Variants in SGMS1 observed in about 807,000 individuals in gnomAD.
The protein encoded by SGMS1 is phosphatidylcholine:ceramide cholinephosphotransferase 1.
SGMS1 carries 13 observed loss-of-function variants against 46.2 expected under a neutral mutation model. The ratio of observed to expected loss-of-function variants is 0.28; its 90% CI spans 0.18 to 0.45. SGMS1 has a LOEUF of 0.45. SGMS1 is among the 20% of genes least tolerant of loss of function. The pLI is 1.00. For synonymous variants in SGMS1, 203 were observed against 187.8 expected (o/e 1.08, Z -0.66); for missense variants, 324 against 519.9 (o/e 0.62, Z 3.66).
chr10:50,408,451 A>AT (rs1414445294), intron 6 of SGMS1, among the ~76,000 whole-genome samples: 8 of 148,584 alleles, frequency 5.4e-5, no homozygotes, highest in Non-Finnish European at 8.8e-5. Flanking sequence ...AAAAAAAAAA[A>AT]AAAACAAAAT....
intron 6 of SGMS1, among the ~76,000 whole-genome samples, chr10:50,350,875 C>T (rs2133379443): frequency 6.6e-6 from 1 of 152,280 alleles, no homozygotes; most frequent in Middle Eastern, 3.4e-3. Flanking sequence ...GATGTGGGGT[C>T]AGAGCCCCCA....
intron 6 of SGMS1, among the ~76,000 whole-genome samples, chr10:50,369,421 C>G (rs1564891662): frequency 6.6e-6 from 1 of 152,126 alleles, no homozygotes; most frequent in Non-Finnish European, 1.5e-5. Context: ...TCCCTTGAGC[C>G]TGGGAAGTTG....
chr10:50,451,654 T>C (rs1487646958), intron 5 of SGMS1, among the ~76,000 whole-genome samples: 1 of 152,098 alleles, frequency 6.6e-6, no homozygotes, highest in Non-Finnish European at 1.5e-5. Context: ...TAATATAACA[T>C]GGGATTCTGA....
At chr10:50,310,568 A>T (rs1847238403) in intron 9 of SGMS1, among the ~76,000 whole-genome samples, 1 of 152,028 alleles carries the variant, frequency 6.6e-6, no homozygotes, top group Non-Finnish European at 1.5e-5. Context: ...AGTCCAAAAA[A>T]ATGGATGGAA....
chr10:50,337,502 C>A (rs1847734761), intron 7 of SGMS1, among the ~76,000 whole-genome samples: 1 of 152,130 alleles, frequency 6.6e-6, no homozygotes, highest in Admixed American at 6.5e-5. Context: ...ACTTTAATCA[C>A]AACCATCGAA....
chr10:50,528,197 A>C (rs374750163), intron 2 of SGMS1, among the ~76,000 whole-genome samples: 2 of 152,232 alleles, frequency 1.3e-5, no homozygotes, highest in African/African-American at 4.8e-5. Context: ...ATAAGTATGA[A>C]TTATTAGAGC....
intron 6 of SGMS1, among the ~76,000 whole-genome samples, chr10:50,428,709 T>C (rs1849361916): frequency 6.6e-6 from 1 of 152,196 alleles, no homozygotes; most frequent in Non-Finnish European, 1.5e-5. Context: ...CCAAATCTGG[T>C]ACTCTCTCAC....
intron 3 of SGMS1, among the ~76,000 whole-genome samples, chr10:50,481,260 A>G (rs1017428405): frequency 6.6e-6 from 1 of 152,204 alleles, no homozygotes; most frequent in African/African-American, 2.4e-5. Flanking sequence ...GGGTCATCAC[A>G]CACCTTATAC....
At chr10:50,545,791 C>T (rs866104863) in intron 2 of SGMS1, among the ~76,000 whole-genome samples, 3 of 152,022 alleles carry the variant, frequency 2.0e-5, no homozygotes, top group South Asian at 2.1e-4. Context: ...CAGAGTGACT[C>T]GGCAAGAGAG....
At chr10:50,557,521 G>A (rs1029498596) in intron 2 of SGMS1, among the ~76,000 whole-genome samples, 6 of 151,378 alleles carry the variant, frequency 4.0e-5, no homozygotes, top group Non-Finnish European at 7.4e-5. Context: ...GTTTTGCTTT[G>A]GCAAACAAAA....
chr10:50,575,616 C>T (rs1161904535), intron 2 of SGMS1, among the ~76,000 whole-genome samples: 1 of 152,040 alleles, frequency 6.6e-6, no homozygotes, highest in Non-Finnish European at 1.5e-5. Flanking sequence ...CTCCTCCCCC[C>T]ACACACAAAG....
At chr10:50,311,125 A>C in intron 9 of SGMS1, 137 bp downstream of exon 9, 1 of 983,524 alleles carries the variant, frequency 1.0e-6, no homozygotes, top group Non-Finnish European at 1.5e-6. Context: ...TTGCATGGCG[A>C]TGAGATGAAG....
chr10:50,551,888 C>T (rs1838151981), intron 2 of SGMS1, among the ~76,000 whole-genome samples: 2 of 152,152 alleles, frequency 1.3e-5, no homozygotes, highest in Non-Finnish European at 2.9e-5. Context: ...GAAGATACCA[C>T]CTCCCTGATC....
intron 2 of SGMS1, among the ~76,000 whole-genome samples, chr10:50,587,633 ATGTGTGTGTGTGTGTGTG>A (rs35240090): frequency 5.1e-5 from 7 of 138,172 alleles, no homozygotes; most frequent in African/African-American, 1.7e-4. Context: ...CAAAATATAT[ATGTGTGTGTGTGTGTGTG>A]TGTGTGTGTG....
At chr10:50,558,615 T>C (rs1259512203) in intron 2 of SGMS1, among the ~76,000 whole-genome samples, 1 of 152,158 alleles carries the variant, frequency 6.6e-6, no homozygotes, top group Non-Finnish European at 1.5e-5. Flanking sequence ...CAGTTGACCC[T>C]TGCACAACAC....
intron 7 of SGMS1, chr10:50,335,822 T>A (rs2133337852): frequency 6.6e-6 from 1 of 152,336 alleles, no homozygotes; most frequent in African/African-American, 2.4e-5. Flanking sequence ...TGAACCCAAA[T>A]ATGAGCATCA....
At chr10:50,573,213 A>G (rs1302837806) in intron 2 of SGMS1, among the ~76,000 whole-genome samples, 1 of 152,210 alleles carries the variant, frequency 6.6e-6, no homozygotes, top group African/African-American at 2.4e-5. Flanking sequence ...TCTATTCAAT[A>G]TGGTACGAGA....
Position 50,519,888 on chromosome 10 carries a change from A to G in SGMS1, c.-555T>C, listed in dbSNP as rs1038275840. 3 of 152,346 alleles carry G rather than the reference A, an allele frequency of 2.0e-5. No individual in the cohort carries two copies. The highest frequency in any genetic ancestry group is 2.9e-5 in the Non-Finnish European group (2 of 68,046). The allele number at this position is 152,346 out of a possible 1,614,324, so 9.4% of individuals were successfully genotyped here. A position where few individuals can be genotyped will look rare whatever the true frequency, so the allele number is the denominator to read the frequency against. On this transcript the variant is annotated 5_prime_UTR_variant, in exon 3 of 11. Transcript: ENST00000361781. ...CAACTTTACTGTTCTTGAAATTCAAAAAGTCCACACTCCTTCAGTCGCTGA... is the reference window on the plus strand; with the variant it reads ...CAACTTTACTGTTCTTGAAATTCAAGAAGTCCACACTCCTTCAGTCGCTGA...
At chr10:50,536,876 C>G (rs577266891) in intron 2 of SGMS1, among the ~76,000 whole-genome samples, 1 of 152,238 alleles carries the variant, frequency 6.6e-6, no homozygotes, top group East Asian at 1.9e-4. Flanking sequence ...TATTCAATCC[C>G]CTTTTGGACA....
Sources: allele counts gnomAD v4.1 joint callset (sites outside exome capture counted in the v4.1 genomes callset), GRCh38; gene constraint gnomAD v4.1.1; transcripts MANE v1.5; gene names NCBI Gene and HGNC (gene_info 2026-07-23, HGNC 2026-07-21).